PTPRE: variants seen among roughly 807,000 people sequenced by gnomAD.
PTPRE encodes the protein receptor-type tyrosine-protein phosphatase epsilon.
Under a neutral mutation model 102.0 loss-of-function variants are expected in PTPRE, and 51 were observed. The ratio of observed to expected loss-of-function variants is 0.50; its 90% CI spans 0.40 to 0.63. PTPRE has a LOEUF of 0.63. Ranked by LOEUF, PTPRE falls within the 30% of genes least tolerant of loss-of-function variation. The pLI, the probability that PTPRE is intolerant of heterozygous loss-of-function variation, is 0.00. For missense variants in PTPRE, 752 were observed against 915.1 expected (o/e 0.82, Z 2.30); for synonymous variants, 345 against 348.2 (o/e 0.99, Z 0.10).
chr10:128,067,219 C>T (rs1481247178), intron 11 of PTPRE, among the ~76,000 whole-genome samples: 1 of 150,890 alleles, frequency 6.6e-6, no homozygotes, highest in Admixed American at 6.6e-5. Context: ...CACACATTCA[C>T]ATGCACACAC....
intron 1 of PTPRE, among the ~76,000 whole-genome samples, chr10:127,975,825 G>C (rs1296523427): frequency 6.6e-6 from 1 of 152,162 alleles, no homozygotes; most frequent in Non-Finnish European, 1.5e-5. Context: ...GAGTAAAACA[G>C]GCCTTGTTTT....
intron 1 of PTPRE, among the ~76,000 whole-genome samples, chr10:127,966,492 G>C (rs1850263094): frequency 6.6e-6 from 1 of 152,140 alleles, no homozygotes; most frequent in Admixed American, 6.6e-5. Context: ...ACCATGAAGG[G>C]TGCATTGTAG....
intron 3 of PTPRE, 119 bp downstream of exon 3, chr10:128,041,109 T>A (rs753257190): frequency 1.5e-4 from 124 of 850,550 alleles, no homozygotes; most frequent in Non-Finnish European, 2.2e-4. Context: ...AATTTCTTAG[T>A]GTGCTTTTAA....
chr10:128,000,795 G>T (rs1224627623), intron 2 of PTPRE, among the ~76,000 whole-genome samples: 1 of 152,168 alleles, frequency 6.6e-6, no homozygotes, highest in Admixed American at 6.5e-5. Flanking sequence ...GCACTCAGAG[G>T]AAGAGTCGTC....
At chr10:127,922,618 C>T (rs1169458014) in intron 1 of PTPRE, among the ~76,000 whole-genome samples, 1 of 152,230 alleles carries the variant, frequency 6.6e-6, no homozygotes, top group Non-Finnish European at 1.5e-5. Flanking sequence ...TCCACAGAAC[C>T]CCATCTGCCA....
Position 128,066,116 on chromosome 10 carries a change from C to A in PTPRE, c.765C>A (p.Thr255=). Reference sequence around the variant, plus strand: ...ACTGGCCCGACCAAGGCTGCTGGACCTATGGAAACATCCGGGTGTGCGTGG... The same window carrying A: ...ACTGGCCCGACCAAGGCTGCTGGACATATGGAAACATCCGGGTGTGCGTGG... ...HQYWPDQGCW[T]YGNIRVCVED... is the part of the protein sequence containing the mutation. The change falls in exon 11 of 21, where the codon ACC becomes ACA. Residue 255 remains threonine (T), a synonymous_variant. Transcript: ENST00000254667. 1 of 1,614,242 alleles carries A rather than the reference C, an allele frequency of 6.2e-7. No homozygotes were observed. The highest frequency in any genetic ancestry group is 8.5e-7 in the Non-Finnish European group (1 of 1,180,056).
intron 7 of PTPRE, 89 bp downstream of exon 7, chr10:128,056,302 C>A: frequency 9.0e-7 from 1 of 1,112,652 alleles, no homozygotes; most frequent in Non-Finnish European, 1.3e-6. Context: ...GCAGGCCATT[C>A]CTGGTGCTCA....
intron 2 of PTPRE, among the ~76,000 whole-genome samples, chr10:128,025,188 A>T (rs540189547): frequency 6.7e-6 from 1 of 150,334 alleles, no homozygotes; most frequent in Non-Finnish European, 1.5e-5. Flanking sequence ...AAAAGAACAG[A>T]AAAAAGCACT....
At chr10:127,922,454 G>A (rs933582187) in intron 1 of PTPRE, among the ~76,000 whole-genome samples, 1 of 152,246 alleles carries the variant, frequency 6.6e-6, no homozygotes, top group African/African-American at 2.4e-5. Context: ...ATCGAGGGCC[G>A]CTCTGAGGTC....
intron 3 of PTPRE, among the ~76,000 whole-genome samples, chr10:128,044,051 G>T (rs775406752): frequency 2.6e-5 from 4 of 152,176 alleles, no homozygotes; most frequent in Non-Finnish European, 5.9e-5. Context: ...AACGAGAGGA[G>T]TAGTATGGTC....
chr10:128,073,711 T>A (rs1338525788), intron 17 of PTPRE, among the ~76,000 whole-genome samples: 1 of 152,218 alleles, frequency 6.6e-6, no homozygotes, highest in Non-Finnish European at 1.5e-5. Flanking sequence ...TACATGTTAT[T>A]TAACCTGCCC....
chr10:128,065,510 A>G (rs1333727634), intron 10 of PTPRE, among the ~76,000 whole-genome samples: 2 of 152,172 alleles, frequency 1.3e-5, no homozygotes, highest in Non-Finnish European at 2.9e-5. Context: ...GTCTGTAGCA[A>G]TGCACCCTCT....
intron 1 of PTPRE, among the ~76,000 whole-genome samples, chr10:127,931,092 G>A (rs1254009550): frequency 6.6e-6 from 1 of 152,054 alleles, no homozygotes. Context: ...TGCCCGGCCC[G>A]CCAGTTGTTT....
At chr10:127,959,491 C>A (rs895313980) in intron 1 of PTPRE, among the ~76,000 whole-genome samples, 9 of 152,278 alleles carry the variant, frequency 5.9e-5, no homozygotes, top group Admixed American at 3.9e-4. Flanking sequence ...AAATATACAT[C>A]CCCAATAACT....
At chr10:128,029,057 C>T (rs995903624) in intron 2 of PTPRE, among the ~76,000 whole-genome samples, 4 of 152,188 alleles carry the variant, frequency 2.6e-5, no homozygotes, top group African/African-American at 7.2e-5. Context: ...CTCTTGATTG[C>T]GACTCCTCGG....
At chr10:127,924,794 T>C (rs1257679216) in intron 1 of PTPRE, among the ~76,000 whole-genome samples, 2 of 152,222 alleles carry the variant, frequency 1.3e-5, no homozygotes. Context: ...GTCTCAATAA[T>C]GTATAATTTT....
rs1846417880 is a variant in PTPRE, at chr10:128,028,079, A to C, written c.-7-12796A>C. Among the ~76,000 whole-genome samples the C allele has an allele frequency of 6.6e-6, 1 of 152,224 alleles. No individual in the cohort carries two copies. The highest frequency in any genetic ancestry group is 2.4e-5 in the African/African-American group (1 of 41,460). On this transcript the variant is annotated intron_variant, in intron 2 of 20. Transcript: ENST00000254667. The surrounding 1 kb of genome is among the most constrained non-coding windows in gnomAD (Gnocchi z 4.5). The stretch of plus-strand genomic sequence containing the variant: ...TGGGGGCGTGGGAGTCTCCAGAGGC[A>C]GCGAGCCCAGGACACTGATGGTGCA...
intron 1 of PTPRE, among the ~76,000 whole-genome samples, chr10:127,968,544 C>G (rs889914724): frequency 6.6e-6 from 1 of 152,214 alleles, no homozygotes; most frequent in Admixed American, 6.5e-5. Context: ...TTCTGCAGAT[C>G]GTTCTTTCTG....
intron 2 of PTPRE, among the ~76,000 whole-genome samples, chr10:128,019,910 A>G (rs1307530659): frequency 1.3e-5 from 2 of 152,150 alleles, no homozygotes; most frequent in Non-Finnish European, 2.9e-5. Flanking sequence ...GCCCAGAGCA[A>G]TGGTCCCGGT....
Sources: allele counts gnomAD v4.1 joint callset (sites outside exome capture counted in the v4.1 genomes callset), GRCh38; gene constraint gnomAD v4.1.1; non-coding constraint Gnocchi (gnomAD v3.1); transcripts MANE v1.5; gene names NCBI Gene and HGNC (gene_info 2026-07-23, HGNC 2026-07-21).